Variants in MTAP observed in about 807,000 individuals in gnomAD.
MTAP encodes the protein S-methyl-5'-thioadenosine phosphorylase.
In MTAP, 33 loss-of-function variants were observed where a neutral mutation model predicts 33.6. The observed-to-expected ratio is 0.98, with a 90% CI of 0.74 to 1.31. MTAP has a LOEUF of 1.31. Ranked by LOEUF, MTAP falls within the 40% of genes most tolerant of loss-of-function variation. The pLI is 0.00. For missense variants in MTAP, 367 were observed against 360.0 expected, an observed-to-expected ratio of 1.02 and a Z score of -0.16; for synonymous variants, 148 against 125.7, an observed-to-expected ratio of 1.18 and a Z score of -1.19.
At position 21,837,905 on chromosome 9, in the gene MTAP, T is replaced by C; in HGVS notation, c.348-3T>C. Reference sequence around the variant, plus strand: ...CAAAAACCTTTTTTGCTTTATTTTGTAGGACCACTATGAGACCTCAGTCCT... The same window carrying C: ...CAAAAACCTTTTTTGCTTTATTTTGCAGGACCACTATGAGACCTCAGTCCT... On this transcript the variant is annotated splice_polypyrimidine_tract_variant and splice_region_variant and intron_variant, in intron 4 of 7. Transcript: ENST00000644715. 1.2e-6 allele frequency: 2 copies of C among 1,611,370 alleles called. No homozygotes were observed. Among genetic ancestry groups the C allele is most frequent in the South Asian group, 2.2e-5 (2 of 90,610 alleles).
intron 5 of MTAP, among the ~76,000 whole-genome samples, chr9:21,838,237 T>C (rs892761891): frequency 6.6e-5 from 10 of 152,224 alleles, no homozygotes; most frequent in Non-Finnish European, 4.4e-5. Flanking sequence ...CCTACCTTTT[T>C]AATAAGTTTT....
At chr9:21,825,020 A>G (rs964039234) in intron 4 of MTAP, among the ~76,000 whole-genome samples, 1 of 152,108 alleles carries the variant, frequency 6.6e-6, no homozygotes, top group African/African-American at 2.4e-5. Context: ...TTTGCTAGGA[A>G]AGGGAATTCC....
chr9:21,914,513 C>T (rs1055196914), intron 1 of MTAP, among the ~76,000 whole-genome samples: 1 of 151,820 alleles, frequency 6.6e-6, no homozygotes, highest in African/African-American at 2.4e-5. Context: ...CCATCATTCT[C>T]AGCAAACTAT....
chr9:21,906,343 A>C (rs995468778), intron 1 of MTAP, among the ~76,000 whole-genome samples: 1 of 152,232 alleles, frequency 6.6e-6, no homozygotes, highest in Non-Finnish European at 1.5e-5. Context: ...CGTGAAAAAA[A>C]ACATTAAAAA....
intron 4 of MTAP, among the ~76,000 whole-genome samples, chr9:21,820,642 T>C (rs963043679): frequency 1.3e-5 from 2 of 152,238 alleles, no homozygotes; most frequent in African/African-American, 2.4e-5. Flanking sequence ...ATATGAACTT[T>C]AAAGTAGTTT....
chr9:21,811,071 G>C (rs150404796), intron 1 of MTAP, among the ~76,000 whole-genome samples: 6 of 152,334 alleles, frequency 3.9e-5, no homozygotes, highest in Non-Finnish European at 5.9e-5. Context: ...GCTCAGATCG[G>C]GCTGTGCCAG....
chr9:21,904,064 CT>C (rs1818434567), intron 1 of MTAP, among the ~76,000 whole-genome samples: 1 of 152,164 alleles, frequency 6.6e-6, no homozygotes, highest in African/African-American at 2.4e-5. Flanking sequence ...TGGTTTTCCC[CT>C]TGGGTCAGGC....
chr9:21,842,886 G>T (rs1266737014), intron 5 of MTAP, among the ~76,000 whole-genome samples: 1 of 152,160 alleles, frequency 6.6e-6, no homozygotes, highest in East Asian at 1.9e-4. Context: ...AAGCTAGCAT[G>T]ATGAATAGAA....
chr9:21,829,172 AT>A (rs1824900354), intron 4 of MTAP, among the ~76,000 whole-genome samples: 1 of 152,160 alleles, frequency 6.6e-6, no homozygotes, highest in East Asian at 1.9e-4. Context: ...AGGCTGTGCC[AT>A]TTTTAGCCTG....
chr9:21,865,007 G>T lies in MTAP; in HGVS notation c.*2993G>T, dbSNP rs1304390399. The T allele has an allele frequency of 1.0e-6, 1 of 985,356 alleles. No individual in the cohort carries two copies. Among genetic ancestry groups the T allele is most frequent in the African/African-American group, 1.7e-5 (1 of 57,254 alleles). The allele number at this position is 985,356 out of a possible 1,614,324, so 61.0% of individuals were successfully genotyped here. ...TGAAACAATTTGATAAGGTTTCAAG[G>T]AGTATCTGATGGGTTAGGAAGTCAC... On this transcript the variant is annotated 3_prime_UTR_variant, in exon 8 of 8. Coordinates refer to ENST00000644715, the MANE Select transcript of MTAP (RefSeq NM_002451.4).
chr9:21,830,494 T>C (rs1233451910), intron 4 of MTAP, among the ~76,000 whole-genome samples: 1 of 152,186 alleles, frequency 6.6e-6, no homozygotes, highest in Non-Finnish European at 1.5e-5. Context: ...AAAAGATGGT[T>C]AGGAGTGGGA....
intron 5 of MTAP, among the ~76,000 whole-genome samples, chr9:21,851,558 A>T (rs1587246366): frequency 6.6e-6 from 1 of 152,130 alleles, no homozygotes; most frequent in African/African-American, 2.4e-5. Context: ...TGACCTTATT[A>T]TTGTCTTTAT....
At chr9:21,904,988 T>A (rs574821320) in intron 1 of MTAP, among the ~76,000 whole-genome samples, 1 of 152,174 alleles carries the variant, frequency 6.6e-6, no homozygotes, top group Non-Finnish European at 1.5e-5. Context: ...GGGAGCATTT[T>A]TGGGGCTCCA....
chr9:21,818,082 C>CG lies in MTAP; in HGVS notation c.228dup (p.Asn77GlufsTer35). On this transcript the variant is annotated frameshift_variant, in exon 4 of 8. Transcript: ENST00000644715. LOFTEE classifies it high-confidence loss of function. ...ATGCCTTCAAAGGTCAACTACCAGGCGAACATCTGGGCTTTGAAGGAAGAG... is the reference window on the plus strand; with the variant it reads ...ATGCCTTCAAAGGTCAACTACCAGGCGGAACATCTGGGCTTTGAAGGAAGAG... 1 of 1,613,448 alleles carries CG rather than the reference C, an allele frequency of 6.2e-7. No homozygotes were observed. The highest frequency in any genetic ancestry group is 8.5e-7 in the Non-Finnish European group (1 of 1,179,818).
In MTAP at chr9:21,862,277, C is replaced by A; in HGVS notation, c.*263C>A. ...ATTTTAAGGGGGAAAAAAAAACCCA[C>A]CATTCTCTTCTCCCCCTATTAAATT... is the stretch of plus-strand genomic sequence containing the variant. On this transcript the variant is annotated 3_prime_UTR_variant, in exon 8 of 8. Transcript: ENST00000644715. The A allele has an allele frequency of 2.9e-6, 2 of 691,940 alleles. No individual in the cohort carries two copies. Among genetic ancestry groups the A allele is most frequent in the Non-Finnish European group, 2.0e-6 (1 of 501,076 alleles). 42.9% of individuals were successfully genotyped at this position (691,940 alleles called of 1,614,324 possible).
intron 1 of MTAP, among the ~76,000 whole-genome samples, chr9:21,805,734 C>T (rs1405979798): frequency 6.6e-6 from 1 of 152,312 alleles, no homozygotes; most frequent in African/African-American, 2.4e-5. Context: ...TGAGCCAAAA[C>T]GTGGGCCTTC....
chr9:21,890,110 G>A (rs1014692216), intron 1 of MTAP, among the ~76,000 whole-genome samples: 4 of 152,062 alleles, frequency 2.6e-5, no homozygotes, highest in Non-Finnish European at 4.4e-5. Flanking sequence ...CTTGGGTGGG[G>A]CTTGCTGTGG....
At chr9:21,805,201 G>A (rs1824179058) in intron 1 of MTAP, among the ~76,000 whole-genome samples, 1 of 92,034 alleles carries the variant, frequency 1.1e-5, no homozygotes, top group Admixed American at 1.0e-4. Flanking sequence ...TTAAAATAGA[G>A]ATATTAACGG....
At chr9:21,807,736 G>T (rs543240578) in intron 1 of MTAP, among the ~76,000 whole-genome samples, 2 of 152,312 alleles carry the variant, frequency 1.3e-5, no homozygotes, top group East Asian at 3.9e-4. Context: ...GTAAAAGGAG[G>T]AAATAAGGGC....
Sources: gnomAD v4.1 joint callset for allele counts (sites outside exome capture counted in the v4.1 genomes callset) on GRCh38, gnomAD v4.1.1 for gene constraint, MANE v1.5 for transcripts, NCBI Gene and HGNC (gene_info 2026-07-23, HGNC 2026-07-21) for gene names.